Variants in WDR86 observed in about 807,000 individuals in gnomAD.
WDR86 encodes WD repeat domain 86.
A neutral mutation model predicts 36.5 loss-of-function variants in WDR86; 30 were observed. That is an observed-to-expected ratio of 0.82 (90% confidence interval 0.61 to 1.11). The LOEUF (loss-of-function observed/expected upper bound fraction) is 1.11. Among genes scored for constraint, WDR86 ranks in the 50% most tolerant of loss-of-function variants. The pLI, the probability that WDR86 is intolerant of heterozygous loss-of-function variation, is 0.00. For missense variants in WDR86, 545 were observed against 561.2 expected, an observed-to-expected ratio of 0.97 and a Z score of 0.29; for synonymous variants, 255 against 252.9, an observed-to-expected ratio of 1.01 and a Z score of -0.08.
chr7:151,391,148 G>A (rs184498058), intron 3 of WDR86, among the ~76,000 whole-genome samples: 49 of 152,358 alleles, frequency 3.2e-4, no homozygotes, highest in Non-Finnish European at 5.1e-4. Flanking sequence ...AGGCTGTGGC[G>A]GCGATGGCCC....
At chr7:151,385,899 A>G (rs1337846774) in intron 3 of WDR86, among the ~76,000 whole-genome samples, 1 of 152,148 alleles carries the variant, frequency 6.6e-6, no homozygotes, top group African/African-American at 2.4e-5. Context: ...TATTAAAATA[A>G]TTCTGTAAAT....
At chr7:151,392,469 C>G (rs930671857) in intron 3 of WDR86, among the ~76,000 whole-genome samples, 1 of 152,150 alleles carries the variant, frequency 6.6e-6, no homozygotes, top group Non-Finnish European at 1.5e-5. Context: ...GTGAGAGCAT[C>G]CCCATGTGGA....
Position 151,389,118 on chromosome 7 carries a change from C to CT in WDR86, c.727-3896dup, listed in dbSNP as rs34882878. On this transcript the variant is annotated intron_variant, in intron 3 of 5. Coordinates refer to ENST00000334493, the MANE Select transcript of WDR86 (RefSeq NM_198285.3). ...TCTGCACCTTTTTTTCTTTTCTTTC[C>CT]TTTTTTTTTTTTTTTTTGTTTGAGA... is the stretch of plus-strand genomic sequence containing the variant. 6.1e-3 allele frequency among the ~76,000 whole-genome samples: 768 copies of CT among 125,554 alleles called. 2 individuals are homozygous for CT. Among genetic ancestry groups the CT allele is most frequent in the Non-Finnish European group, 8.4e-3 (509 of 60,376 alleles). The allele number at this position is 125,554 out of a possible 152,430, so 82.4% of individuals were successfully genotyped here.
intron 3 of WDR86, among the ~76,000 whole-genome samples, chr7:151,386,759 C>T (rs1180989472): frequency 6.6e-6 from 1 of 152,174 alleles, no homozygotes; most frequent in African/African-American, 2.4e-5. Context: ...GAAAGACCAC[C>T]CCTCCTGCCT....
At position 151,383,215 on chromosome 7, in the gene WDR86, A is replaced by G. The variant is rs181722929; in HGVS notation, c.863-1234T>C. On this transcript the variant is annotated intron_variant, in intron 4 of 5. Coordinates refer to ENST00000334493, the MANE Select transcript of WDR86 (RefSeq NM_198285.3). ...GCTGGGCACAGTGGCTCACGCCTGT[A>G]ATCTCAGCACTTTGGGAAGCTGAAG... Among the ~76,000 whole-genome samples the G allele has an allele frequency of 2.0e-5, 3 of 151,926 alleles. No individual in the cohort carries two copies. The East Asian group carries it at 5.8e-4, about 29-fold the overall frequency.
downstream of WDR86, among the ~76,000 whole-genome samples, chr7:151,373,692 C>A (rs1011554142): frequency 4.6e-5 from 7 of 152,212 alleles, no homozygotes; most frequent in Non-Finnish European, 7.3e-5. Flanking sequence ...GGCTGGAAGG[C>A]CTTCCCACCG....
chr7:151,398,128 A>G (rs923219863), intron 2 of WDR86, among the ~76,000 whole-genome samples: 13 of 152,148 alleles, frequency 8.5e-5, no homozygotes, highest in African/African-American at 2.9e-4. Context: ...ATGTGTGCAT[A>G]TGTGTATATG....
In WDR86 at chr7:151,381,979, A is replaced by T; in HGVS notation, c.865T>A (p.Phe289Ile). 7 of 1,598,874 alleles carry T rather than the reference A, an allele frequency of 4.4e-6. No homozygotes were observed. The highest frequency in any genetic ancestry group is 5.1e-6 in the Non-Finnish European group (6 of 1,173,606). The change falls in exon 5 of 6, where the codon TTC (phenylalanine) becomes ATC (isoleucine). Residue 289 changes from phenylalanine (F) to isoleucine (I), a missense_variant and splice_region_variant. Transcript: ENST00000334493. The surrounding 1 kb of genome is among the most constrained non-coding windows in gnomAD (Gnocchi z 4.8). ...GCGCAAGCGTCCCCGCTGCCCGTGA[A>T]CACTGCGGACACACAGCGCGCGCTG... is the stretch of plus-strand genomic sequence containing the variant. ...SALKYHAGTL[F>I]TGSGDACARA...
intron 1 of WDR86, chr7:151,408,726 A>T: frequency 2.7e-6 from 1 of 373,582 alleles, no homozygotes; most frequent in South Asian, 2.0e-5. Flanking sequence ...CTCACAGTGC[A>T]TGGGACAGGC....
At chr7:151,374,991 C>T (rs956454211), downstream of WDR86, among the ~76,000 whole-genome samples, 9 of 130,800 alleles carry the variant, frequency 6.9e-5, no homozygotes, top group Admixed American at 5.2e-4. Flanking sequence ...GTGGTAGGAG[C>T]TGGCTTAGGT....
At chr7:151,400,443 G>A (rs559211329) in intron 1 of WDR86, among the ~76,000 whole-genome samples, 5 of 152,180 alleles carry the variant, frequency 3.3e-5, no homozygotes, top group Admixed American at 6.5e-5. Context: ...GTACAGTGGC[G>A]CGATCTGGGC....
At chr7:151,378,833 G>C (rs1040473152), downstream of WDR86, among the ~76,000 whole-genome samples, 1 of 152,240 alleles carries the variant, frequency 6.6e-6, no homozygotes, top group African/African-American at 2.4e-5. Flanking sequence ...TAGCTTCCCA[G>C]CTGTTTTTAG....
At position 151,389,240 on chromosome 7, in the gene WDR86, G is replaced by T. The variant is rs1031365413; in HGVS notation, c.727-4017C>A. 6.9e-4 allele frequency among the ~76,000 whole-genome samples: 104 copies of T among 151,692 alleles called. 3 individuals carry two copies. Among genetic ancestry groups the T allele is most frequent in the Admixed American group, 6.8e-3 (103 of 15,210 alleles). On this transcript the variant is annotated intron_variant, in intron 3 of 5. Coordinates refer to ENST00000334493, the MANE Select transcript of WDR86 (RefSeq NM_198285.3). ...CAAAGTGCTGGGATAACAGGCGTGA[G>T]CCACCGTGCCCGGCCCTCCAGTCTA...
At chr7:151,370,575 G>T in the WDR86 span, among the ~76,000 whole-genome samples, 2 of 150,298 alleles carry the variant, frequency 1.3e-5, no homozygotes, top group East Asian at 3.9e-4. Context: ...TAAGTTTTAG[G>T]GTACATGTGC....
chr7:151,399,447 G>A (rs1250729254), intron 2 of WDR86, among the ~76,000 whole-genome samples: 2 of 152,172 alleles, frequency 1.3e-5, no homozygotes, highest in African/African-American at 2.4e-5. Context: ...TCCAGGCAGC[G>A]CCCCTCCTCC....
intron 2 of WDR86, 49 bp from the exon 3 acceptor site, chr7:151,396,245 A>G: frequency 6.2e-7 from 1 of 1,600,018 alleles, no homozygotes; most frequent in Non-Finnish European, 8.6e-7. Flanking sequence ...CGGGTTCCAG[A>G]ATCCACACAG....
At chr7:151,386,990 G>C (rs732980) in intron 3 of WDR86, among the ~76,000 whole-genome samples, 62,642 of 152,058 alleles carry the variant, frequency 0.41, 14,172 homozygotes, top group Non-Finnish European at 0.53. Flanking sequence ...CCGCCCCCAG[G>C]GCACTGTGTC....
Position 151,401,132 on chromosome 7 carries a change from G to A in WDR86, c.164-891C>T, listed in dbSNP as rs957834930. ...CTAAAAAGGGATCCTCCCTCCAGCC[G>A]GTCTTTGCTCTCTCATCCTCACAGG... On this transcript the variant is annotated intron_variant, in intron 1 of 5. Coordinates refer to ENST00000334493, the MANE Select transcript of WDR86 (RefSeq NM_198285.3). This position sits in a 1 kb window ranked among gnomAD's most constrained non-coding sequence, Gnocchi z 4.3. 6.6e-6 allele frequency among the ~76,000 whole-genome samples: 1 copy of A among 152,122 alleles called. No individual in the cohort carries two copies. Among genetic ancestry groups the A allele is most frequent in the Admixed American group, 6.5e-5 (1 of 15,274 alleles).
At chr7:151,408,668 G>A (rs562115225) in intron 1 of WDR86, 2 of 328,710 alleles carry the variant, frequency 6.1e-6, no homozygotes, top group East Asian at 1.5e-4. Flanking sequence ...TCATCCAGGG[G>A]ACTACGTGTG....
Sources: gnomAD v4.1 joint callset for allele counts (sites outside exome capture counted in the v4.1 genomes callset) on GRCh38, gnomAD v4.1.1 for gene constraint, Gnocchi (gnomAD v3.1) non-coding constraint, MANE v1.5 for transcripts, NCBI Gene and HGNC (gene_info 2026-07-23, HGNC 2026-07-21) for gene names.